DSCAM: variants seen among roughly 807,000 people sequenced by gnomAD.
The protein encoded by DSCAM is DS cell adhesion molecule, also known as cell adhesion molecule DSCAM.
DSCAM carries 47 observed loss-of-function variants against 217.7 expected under a neutral mutation model. The ratio of observed to expected loss-of-function variants is 0.22; its 90% CI spans 0.17 to 0.28. DSCAM has a LOEUF of 0.28. Among genes scored for constraint, DSCAM ranks in the 10% least tolerant of loss-of-function variants. The pLI is 1.00. For missense variants in DSCAM, 2,080 were observed against 2,618.3 expected (o/e 0.79, Z 4.49); for synonymous variants, 1,056 against 1,015.3 (o/e 1.04, Z -0.76).
At chr21:40,182,699 G>T (rs372340345) in intron 14 of DSCAM, among the ~76,000 whole-genome samples, 1 of 15,002 alleles carries the variant, frequency 6.7e-5, no homozygotes, top group African/African-American at 2.9e-4. Flanking sequence ...AACCGTGGAC[G>T]GGGGGGGGTT....
intron 19 of DSCAM, among the ~76,000 whole-genome samples, chr21:40,130,892 C>T (rs1290819798): frequency 6.6e-6 from 1 of 151,938 alleles, no homozygotes; most frequent in Non-Finnish European, 1.5e-5. Context: ...GTTTAAGCCT[C>T]CAGGCTCCCT....
chr21:40,677,453 G>C (rs1413862500), intron 3 of DSCAM, among the ~76,000 whole-genome samples: 1 of 152,100 alleles, frequency 6.6e-6, no homozygotes, highest in South Asian at 2.1e-4. Context: ...AAGCAAAAAA[G>C]GCCTGGACTG....
intron 31 of DSCAM, among the ~76,000 whole-genome samples, chr21:40,043,721 G>C (rs2088796132): frequency 6.6e-6 from 1 of 152,230 alleles, no homozygotes; most frequent in Non-Finnish European, 1.5e-5. Context: ...ATGGTAATGG[G>C]TCAGACGCCC....
intron 6 of DSCAM, among the ~76,000 whole-genome samples, chr21:40,340,491 C>CT (rs1489163515): frequency 4.6e-5 from 7 of 152,256 alleles, no homozygotes; most frequent in Non-Finnish European, 8.8e-5. Context: ...AATAGGTCAG[C>CT]CAGCCTCAGG....
chr21:40,159,667 T>C lies in DSCAM; in HGVS notation c.3018+7551A>G, dbSNP rs554434256. 2.8e-4 allele frequency among the ~76,000 whole-genome samples: 43 copies of C among 152,312 alleles called. No individual in the cohort carries two copies. In the South Asian group the frequency reaches 6.2e-3, roughly 22 times the overall value. On this transcript the variant is annotated intron_variant, in intron 16 of 32. Coordinates refer to ENST00000400454, the MANE Select transcript of DSCAM (RefSeq NM_001389.5). ...AGCAATCTTGGCTCACTGCAGCCTC[T>C]GTCTCCTAGCGTTCAAGGAATTATT... is the stretch of plus-strand genomic sequence containing the variant.
At chr21:40,379,085 G>A (rs2074995192) in intron 3 of DSCAM, among the ~76,000 whole-genome samples, 1 of 152,152 alleles carries the variant, frequency 6.6e-6, no homozygotes, top group African/African-American at 2.4e-5. Context: ...CAAAGGCAGT[G>A]GTATATGAAT....
chr21:40,766,915 ACCT>A (rs2091398094), intron 1 of DSCAM, among the ~76,000 whole-genome samples: 1 of 152,040 alleles, frequency 6.6e-6, no homozygotes. Flanking sequence ...CGAACTCCTG[ACCT>A]CAGGTGATCC....
At chr21:40,407,279 T>C (rs2075287275) in intron 3 of DSCAM, among the ~76,000 whole-genome samples, 1 of 152,176 alleles carries the variant, frequency 6.6e-6, no homozygotes, top group African/African-American at 2.4e-5. Context: ...CATAAGTATA[T>C]ACAATTTTTA....
At chr21:40,258,960 G>A (rs931747802) in intron 11 of DSCAM, among the ~76,000 whole-genome samples, 3 of 152,304 alleles carry the variant, frequency 2.0e-5, no homozygotes, top group Non-Finnish European at 2.9e-5. Flanking sequence ...AACTGCTGGC[G>A]GGTGTACCCC....
At chr21:40,809,937 T>C (rs1337456291) in intron 1 of DSCAM, among the ~76,000 whole-genome samples, 1 of 152,218 alleles carries the variant, frequency 6.6e-6, no homozygotes, top group Non-Finnish European at 1.5e-5. Flanking sequence ...GTCATCAGTC[T>C]TCAGGAGAAA....
At chr21:40,699,142 C>CATT (rs60020113) in intron 2 of DSCAM, among the ~76,000 whole-genome samples, 59,602 of 151,700 alleles carry the variant, frequency 0.39, 13,549 homozygotes, top group African/African-American at 0.64. Flanking sequence ...CTTTTAAAAT[C>CATT]ATTATATCTG....
rs571347737 is a variant in DSCAM at position 40,148,001 on chromosome 21, T to C, written c.3019-3270A>G. ...CTTATTTTTTAAGTCCATGTTTCAATTGGCTGTTAATGAGATAGGGCTTTT... is the reference window on the plus strand; with the variant it reads ...CTTATTTTTTAAGTCCATGTTTCAACTGGCTGTTAATGAGATAGGGCTTTT... On this transcript the variant is annotated intron_variant, in intron 16 of 32. Coordinates refer to ENST00000400454, the MANE Select transcript of DSCAM (RefSeq NM_001389.5). 4.6e-5 allele frequency among the ~76,000 whole-genome samples: 7 copies of C among 152,294 alleles called. No individual in the cohort carries two copies. In the East Asian group the frequency reaches 7.7e-4, roughly 17 times the overall value.
intron 1 of DSCAM, among the ~76,000 whole-genome samples, chr21:40,818,037 A>C (rs2091896264): frequency 7.5e-6 from 1 of 134,204 alleles, no homozygotes. Context: ...CGGAGCTTGC[A>C]GTGAGCCGAG....
chr21:40,021,357 C>A (rs2088268762), intron 32 of DSCAM, among the ~76,000 whole-genome samples: 1 of 152,090 alleles, frequency 6.6e-6, no homozygotes, highest in Non-Finnish European at 1.5e-5. Context: ...AAGAGGGCAC[C>A]AGAAAGGTGA....
At chr21:40,466,415 T>C (rs1487877734) in intron 3 of DSCAM, among the ~76,000 whole-genome samples, 1 of 152,174 alleles carries the variant, frequency 6.6e-6, no homozygotes, top group Admixed American at 6.5e-5. Flanking sequence ...GACCATGTAC[T>C]TTAGACCCAA....
At chr21:40,262,437 G>A (rs1198277341) in intron 11 of DSCAM, among the ~76,000 whole-genome samples, 1 of 152,078 alleles carries the variant, frequency 6.6e-6, no homozygotes, top group Non-Finnish European at 1.5e-5. Flanking sequence ...AGAACTGTAA[G>A]AAATAAGCCT....
intron 19 of DSCAM, among the ~76,000 whole-genome samples, chr21:40,125,885 G>A (rs2090087812): frequency 6.6e-6 from 1 of 152,098 alleles, no homozygotes; most frequent in Admixed American, 6.6e-5. Flanking sequence ...CCCCAGCTTA[G>A]CCAACACTCT....
chr21:40,656,913 CA>C, intron 3 of DSCAM, among the ~76,000 whole-genome samples: 1 of 152,234 alleles, frequency 6.6e-6, no homozygotes, highest in Non-Finnish European at 1.5e-5. Context: ...CTTCACTGGA[CA>C]AAAAATATGA....
chr21:40,094,007 C>G lies in DSCAM; in HGVS notation c.3697-133G>C, dbSNP rs1316985586. The G allele has an allele frequency of 1.8e-5, 17 of 936,274 alleles. No homozygotes were observed. In the East Asian group the frequency reaches 4.3e-4, roughly 24 times the overall value. The allele number at this position is 936,274 out of a possible 1,614,324, so 58.0% of individuals were successfully genotyped here. A position where few individuals can be genotyped will look rare whatever the true frequency, so the allele number is the denominator to read the frequency against. ...AACTCACTCTCCTCTAAAAGGCTGG[C>G]TTTGCAATATAAAATGTAACTGGTA... On this transcript the variant is annotated intron_variant, in intron 20 of 32. Coordinates refer to ENST00000400454, the MANE Select transcript of DSCAM (RefSeq NM_001389.5).
Sources: gnomAD v4.1 joint callset for allele counts (sites outside exome capture counted in the v4.1 genomes callset) on GRCh38, gnomAD v4.1.1 for gene constraint, MANE v1.5 for transcripts, NCBI Gene and HGNC (gene_info 2026-07-23, HGNC 2026-07-21) for gene names.